ANK3: variants seen among roughly 807,000 people sequenced by gnomAD.
ANK3 encodes ankyrin 3, also known as ankyrin-3.
ANK3 carries 57 observed loss-of-function variants against 370.9 expected under a neutral mutation model. The observed-to-expected ratio is 0.15, with a 90% CI of 0.12 to 0.19. The LOEUF (loss-of-function observed/expected upper bound fraction) is 0.19. Ranked by LOEUF, ANK3 falls within the 10% of genes least tolerant of loss-of-function variation. The pLI is 1.00. For missense variants in ANK3, 4,439 were observed against 5,302.1 expected (o/e 0.84, Z 5.06); for synonymous variants, 1,929 against 1,946.3 (o/e 0.99, Z 0.23).
intron 23 of ANK3, among the ~76,000 whole-genome samples, chr10:60,158,990 A>G (rs1329676131): frequency 6.6e-6 from 1 of 152,150 alleles, no homozygotes; most frequent in Non-Finnish European, 1.5e-5. Context: ...AAAAAAAATC[A>G]CTTTTATACA....
intron 1 of ANK3, among the ~76,000 whole-genome samples, chr10:60,317,786 T>A (rs540569056): frequency 2.2e-4 from 33 of 149,434 alleles, no homozygotes; most frequent in African/African-American, 7.9e-4. Flanking sequence ...CGATCTCGGC[T>A]CACTGTAAGC....
At chr10:60,519,964 A>C (rs756618951) in intron 2 of ANK3, among the ~76,000 whole-genome samples, 2 of 152,124 alleles carry the variant, frequency 1.3e-5, no homozygotes, top group Non-Finnish European at 2.9e-5. Context: ...TGCTCTGATC[A>C]TGAGTTTCAA....
intron 1 of ANK3, among the ~76,000 whole-genome samples, chr10:60,623,155 T>C (rs2078361178): frequency 6.6e-6 from 1 of 152,122 alleles, no homozygotes; most frequent in Non-Finnish European, 1.5e-5. Context: ...CCTTCCAGAT[T>C]CAGGCATGAT....
At chr10:60,274,075 C>T (rs995350) in intron 4 of ANK3, among the ~76,000 whole-genome samples, 72,788 of 151,866 alleles carry the variant, frequency 0.48, 17,662 homozygotes, top group East Asian at 0.64. Flanking sequence ...TGGGCTCAAG[C>T]GATTCTCCAC....
At chr10:60,514,108 G>A (rs1038071226) in intron 2 of ANK3, among the ~76,000 whole-genome samples, 11 of 152,042 alleles carry the variant, frequency 7.2e-5, no homozygotes, top group African/African-American at 2.7e-4. Flanking sequence ...CTTTTCTGTA[G>A]CTTCCTTTAT....
intron 1 of ANK3, among the ~76,000 whole-genome samples, chr10:60,336,285 C>G (rs535674450): frequency 2.0e-5 from 3 of 152,150 alleles, no homozygotes; most frequent in East Asian, 1.9e-4. Flanking sequence ...TGTGAAAACT[C>G]TTGAGAAGGA....
chr10:60,200,233 G>C lies in ANK3; in HGVS notation c.1393-6C>G. 6.2e-7 allele frequency: 1 copy of C among 1,612,030 alleles called. No individual in the cohort carries two copies. Among genetic ancestry groups the C allele is most frequent in the Non-Finnish European group, 8.5e-7 (1 of 1,178,146 alleles). On this transcript the variant is annotated splice_region_variant and splice_polypyrimidine_tract_variant and intron_variant, in intron 12 of 43. Transcript: ENST00000280772. The stretch of plus-strand genomic sequence containing the variant: ...TGCAGTGCTGTTTCTCCTCTCTGGG[G>C]AACATGAGCCAAAGTAAATTAGCTG...
intron 2 of ANK3, among the ~76,000 whole-genome samples, chr10:60,535,198 C>T (rs2076695070): frequency 6.6e-6 from 1 of 152,090 alleles, no homozygotes; most frequent in Non-Finnish European, 1.5e-5. Context: ...TTATTGGGCT[C>T]TAATGTTTGC....
intron 1 of ANK3, among the ~76,000 whole-genome samples, chr10:60,675,320 C>A (rs1209647685): frequency 2.0e-5 from 3 of 152,142 alleles, no homozygotes; most frequent in Middle Eastern, 3.2e-3. Flanking sequence ...TAAAAGGATT[C>A]AGGGTTTGAG....
At chr10:60,497,124 A>T (rs1200222894) in intron 2 of ANK3, among the ~76,000 whole-genome samples, 1 of 152,098 alleles carries the variant, frequency 6.6e-6, no homozygotes, top group Non-Finnish European at 1.5e-5. Flanking sequence ...CAACATGGTG[A>T]GATGCTGTCA....
chr10:60,055,608 A>G, intron 42 of ANK3, 50 bp downstream of exon 42: 1 of 1,535,372 alleles, frequency 6.5e-7, no homozygotes, highest in Non-Finnish European at 8.7e-7. Flanking sequence ...GAAGTAAAGC[A>G]CCGATACTTT....
upstream of ANK3, among the ~76,000 whole-genome samples, chr10:60,392,552 T>C (rs1444860454): frequency 6.6e-6 from 1 of 152,202 alleles, no homozygotes; most frequent in Non-Finnish European, 1.5e-5. Flanking sequence ...CCAGTCCTAC[T>C]ACTTGCCATT....
Position 60,423,140 on chromosome 10 carries a change from G to A in ANK3, c.97-143501C>T, listed in dbSNP as rs563977873. On this transcript the variant is annotated intron_variant, in intron 2 of 43. Coordinates refer to the ANK3 transcript ENST00000373827. ...CCATAAGGAAGTAGTTTTTGTCTAC[G>A]TGAAAACCAATCTAGTGAAATTCTC... Among the ~76,000 whole-genome samples, 53 of 152,112 alleles carry A rather than the reference G, an allele frequency of 3.5e-4. No individual in the cohort carries two copies. In the South Asian group the frequency reaches 0.01, roughly 29 times the overall value.
chr10:60,638,566 G>T (rs1406976001), intron 1 of ANK3, among the ~76,000 whole-genome samples: 1 of 151,614 alleles, frequency 6.6e-6, no homozygotes, highest in Non-Finnish European at 1.5e-5. Context: ...AACAGAAACA[G>T]AAATGAGAGA....
chr10:60,495,613 C>A (rs976209910), intron 2 of ANK3, among the ~76,000 whole-genome samples: 1 of 152,084 alleles, frequency 6.6e-6, no homozygotes, highest in Admixed American at 6.6e-5. Context: ...CAGGACAAAA[C>A]AATGTTATGA....
rs2082422607 is a variant in ANK3, at chr10:60,070,152, C to G, written c.10729G>C (p.Ala3577Pro). The G allele has an allele frequency of 4.3e-6, 7 of 1,614,018 alleles. No individual in the cohort carries two copies. Among genetic ancestry groups the G allele is most frequent in the Non-Finnish European group, 5.9e-6 (7 of 1,180,022 alleles). The change falls in exon 37 of 44, where the codon GCA (alanine) becomes CCA (proline). Residue 3577 changes from alanine to proline, a missense_variant. Ala to Pro is a conservative substitution (Grantham distance 27, BLOSUM62 -1). Around this residue, in one of 13 missense-constraint regions of ANK3, gnomAD observed 1,601 missense variants for 1,731.7 expected, o/e 0.92. Transcript: ENST00000280772. This position sits in a 1 kb window ranked among gnomAD's most constrained non-coding sequence, Gnocchi z 5.7. Reference sequence around the variant, plus strand: ...GCTGGCGTTGTATCAGGGGTTGTTGCTGGAGAGCGGTCTTCTACCGCCAGC... The same window carrying G: ...GCTGGCGTTGTATCAGGGGTTGTTGGTGGAGAGCGGTCTTCTACCGCCAGC... ...FGLAVEDRSP[A>P]TTPDTTPART...
intron 10 of ANK3, 33 bp downstream of exon 10, chr10:60,208,003 A>G (rs772169887): frequency 6.3e-7 from 1 of 1,595,388 alleles, no homozygotes; most frequent in East Asian, 2.2e-5. Flanking sequence ...GAGCAAGACA[A>G]CTGAGGCTGG....
At chr10:60,476,361 A>T (rs559515537) in intron 2 of ANK3, among the ~76,000 whole-genome samples, 13 of 152,186 alleles carry the variant, frequency 8.5e-5, no homozygotes, top group African/African-American at 3.1e-4. Context: ...AGGATAAACA[A>T]TAATATAATT....
chr10:60,299,770 T>C (rs1033189596), intron 1 of ANK3, among the ~76,000 whole-genome samples: 1 of 152,234 alleles, frequency 6.6e-6, no homozygotes, highest in East Asian at 1.9e-4. Flanking sequence ...CTTATTTATA[T>C]CTATGTGCAA....
Sources: allele counts gnomAD v4.1 joint callset (sites outside exome capture counted in the v4.1 genomes callset), GRCh38; gene constraint gnomAD v4.1.1; regional missense constraint gnomAD v4.1.1; non-coding constraint Gnocchi (gnomAD v3.1); transcripts MANE v1.5; gene names NCBI Gene and HGNC (gene_info 2026-07-23, HGNC 2026-07-21).